FLI1: variants seen among roughly 807,000 people sequenced by gnomAD.
The protein encoded by FLI1 is Fli-1 proto-oncogene, ETS transcription factor, also known as Friend leukemia integration 1 transcription factor.
Under a neutral mutation model 53.1 loss-of-function variants are expected in FLI1, and 13 were observed. The ratio of observed to expected loss-of-function variants is 0.24; its 90% CI spans 0.16 to 0.39. The LOEUF (loss-of-function observed/expected upper bound fraction) is 0.39, where lower values mean the gene tolerates loss of function less well. Among genes scored for constraint, FLI1 ranks in the 10% least tolerant of loss-of-function variants. FLI1 has a pLI of 1.00. For missense variants in FLI1, 424 were observed against 600.5 expected, an observed-to-expected ratio of 0.71 and a Z score of 3.07; for synonymous variants, 244 against 236.7, an observed-to-expected ratio of 1.03 and a Z score of -0.28.
intron 2 of FLI1, among the ~76,000 whole-genome samples, chr11:128,758,550 C>T (rs1940988370): frequency 6.6e-6 from 1 of 152,194 alleles, no homozygotes. Flanking sequence ...CCACGAAGCC[C>T]TCAGAGGCCA....
intron 1 of FLI1, among the ~76,000 whole-genome samples, chr11:128,744,344 G>T (rs138118797): frequency 6.6e-6 from 1 of 152,198 alleles, no homozygotes; most frequent in Admixed American, 6.5e-5. Context: ...GGATCATGTA[G>T]CTCAGTCCTT....
chr11:128,790,313 A>AGAG (rs1565501906), intron 5 of FLI1, among the ~76,000 whole-genome samples: 1 of 149,612 alleles, frequency 6.7e-6, no homozygotes, highest in East Asian at 1.9e-4. Flanking sequence ...GAGAGAGAGA[A>AGAG]AGAACGAGGG....
chr11:128,716,631 T>C (rs928860968), intron 1 of FLI1, among the ~76,000 whole-genome samples: 1 of 152,100 alleles, frequency 6.6e-6, no homozygotes, highest in Non-Finnish European at 1.5e-5. Flanking sequence ...CGTGTGCCCA[T>C]CAGAGCCGCT....
chr11:128,744,394 T>C (rs1940283774), intron 1 of FLI1, among the ~76,000 whole-genome samples: 1 of 152,224 alleles, frequency 6.6e-6, no homozygotes, highest in South Asian at 2.1e-4. Context: ...AGAGATAAAG[T>C]GCCTTTTCTG....
intron 1 of FLI1, among the ~76,000 whole-genome samples, chr11:128,757,092 C>CTTTCTTTCTTTCTTT (rs1555116902): frequency 1.3e-4 from 19 of 147,000 alleles, no homozygotes; most frequent in African/African-American, 4.7e-4. Context: ...TTCTTTCTTT[C>CTTTCTTTCTTTCTTT]TTTCTTTCTT....
chr11:128,789,450 A>G (rs931051661), intron 5 of FLI1, among the ~76,000 whole-genome samples: 12 of 152,130 alleles, frequency 7.9e-5, no homozygotes, highest in Non-Finnish European at 1.0e-4. Flanking sequence ...CTGACCATGA[A>G]TTCATGATTG....
chr11:128,730,842 A>G (rs1275119302), intron 1 of FLI1, among the ~76,000 whole-genome samples: 1 of 152,254 alleles, frequency 6.6e-6, no homozygotes, highest in Non-Finnish European at 1.5e-5. Context: ...GAAATCCTGC[A>G]TGCTTCCATT....
At chr11:128,694,044 GA>G (rs1303023387), upstream of FLI1, 5 of 392,258 alleles carry the variant, frequency 1.3e-5, no homozygotes, top group South Asian at 9.8e-5. Context: ...AAAATTAGCT[GA>G]AAAAAAAGTT....
At chr11:128,774,173 A>G (rs1333166157) in intron 4 of FLI1, among the ~76,000 whole-genome samples, 1 of 152,120 alleles carries the variant, frequency 6.6e-6, no homozygotes, top group Non-Finnish European at 1.5e-5. Flanking sequence ...GGCAGGGGCA[A>G]CACGTGCTGG....
chr11:128,703,933 G>A lies in FLI1; in HGVS notation c.18+9657G>A, dbSNP rs558976613. ...TGGGCACCAAGATTTTATCCTGAATGTGCTGGTCCCGGTGACTTTAAGATT... is the reference window on the plus strand; with the variant it reads ...TGGGCACCAAGATTTTATCCTGAATATGCTGGTCCCGGTGACTTTAAGATT... On this transcript the variant is annotated intron_variant, in intron 1 of 8. Transcript: ENST00000527786. Among the ~76,000 whole-genome samples, 2 of 149,560 alleles carry A rather than the reference G, an allele frequency of 1.3e-5. 1 individual carries two copies. Among genetic ancestry groups the A allele is most frequent in the African/African-American group, 4.9e-5 (2 of 40,662 alleles).
At chr11:128,734,366 G>A (rs1031223598) in intron 1 of FLI1, among the ~76,000 whole-genome samples, 1 of 152,234 alleles carries the variant, frequency 6.6e-6, no homozygotes, top group Non-Finnish European at 1.5e-5. Flanking sequence ...GGCTATTCTC[G>A]TGCGTGTGCA....
intron 1 of FLI1, chr11:128,695,966 T>G (rs1938055026): frequency 6.6e-6 from 1 of 152,216 alleles, no homozygotes; most frequent in Non-Finnish European, 1.5e-5. Context: ...AGGGTCTTGA[T>G]GTGGACACCC....
At chr11:128,706,927 G>C (rs1591738708) in intron 1 of FLI1, among the ~76,000 whole-genome samples, 1 of 152,126 alleles carries the variant, frequency 6.6e-6, no homozygotes, top group Non-Finnish European at 1.5e-5. Flanking sequence ...AATTCAACAT[G>C]GTTAATTCAT....
chr11:128,698,275 A>T (rs1938174804), intron 1 of FLI1, among the ~76,000 whole-genome samples: 2 of 152,192 alleles, frequency 1.3e-5, no homozygotes, highest in Non-Finnish European at 2.9e-5. Flanking sequence ...ACACCTTGTA[A>T]TCTCCATGTC....
upstream of FLI1, chr11:128,693,526 C>G (rs556316318): frequency 1.6e-4 from 30 of 183,324 alleles, no homozygotes; most frequent in Non-Finnish European, 3.0e-4. Flanking sequence ...CCCCCTACCC[C>G]ACCCCCAAAA....
At chr11:128,767,271 G>C (rs1443361425) in intron 2 of FLI1, among the ~76,000 whole-genome samples, 1 of 152,172 alleles carries the variant, frequency 6.6e-6, no homozygotes, top group Non-Finnish European at 1.5e-5. Context: ...GTGAGCTTGG[G>C]GCCAGGGATG....
intron 4 of FLI1, among the ~76,000 whole-genome samples, chr11:128,780,462 GCACA>G (rs1941878193): frequency 6.6e-6 from 1 of 152,214 alleles, no homozygotes; most frequent in Non-Finnish European, 1.5e-5. Context: ...GAGCATGGTG[GCACA>G]TGCCTGTAAT....
intron 2 of FLI1, among the ~76,000 whole-genome samples, chr11:128,765,823 T>A (rs569758501): frequency 1.3e-5 from 2 of 152,198 alleles, no homozygotes; most frequent in South Asian, 4.2e-4. Context: ...GTGCACTGTG[T>A]TTGCATGTGT....
At chr11:128,770,450 T>C (rs1405757841) in intron 3 of FLI1, among the ~76,000 whole-genome samples, 3 of 152,298 alleles carry the variant, frequency 2.0e-5, no homozygotes, top group Middle Eastern at 3.4e-3. Context: ...GAATTTATGA[T>C]GGGATTTAAA....
Sources: allele counts gnomAD v4.1 joint callset (sites outside exome capture counted in the v4.1 genomes callset), GRCh38; gene constraint gnomAD v4.1.1; transcripts MANE v1.5; gene names NCBI Gene and HGNC (gene_info 2026-07-23, HGNC 2026-07-21).